Variants in PKHD1 observed in about 807,000 individuals in gnomAD.
PKHD1 encodes fibrocystin.
Under a neutral mutation model 412.0 loss-of-function variants are expected in PKHD1, and 291 were observed. The observed-to-expected ratio is 0.71, with a 90% CI of 0.64 to 0.78. PKHD1 has a LOEUF of 0.78. PKHD1 is among the 30% of genes least tolerant of loss of function. The pLI, the probability that PKHD1 is intolerant of heterozygous loss-of-function variation, is 0.00. For synonymous variants in PKHD1, 1,777 were observed against 1,821.5 expected (o/e 0.98, Z 0.62); for missense variants, 4,825 against 4,950.7 (o/e 0.97, Z 0.76).
chr6:51,905,128 G>A (rs977173643), intron 41 of PKHD1, among the ~76,000 whole-genome samples: 2 of 152,104 alleles, frequency 1.3e-5, no homozygotes, highest in East Asian at 1.9e-4. Context: ...TCCCACTGAT[G>A]ATACTATAGA....
In PKHD1 at chr6:51,659,442, G is replaced by T. The variant is rs140419956; in HGVS notation, c.10684C>A (p.His3562Asn). ...GAAACCATCACAGTGAGGGCCAAGT[G>T]AATGGAAACACCTGAGCGTATTTCA... is the stretch of plus-strand genomic sequence containing the variant. The part of the protein sequence containing the change: ...PIEIRSGVSI[H>N]LALTVMVSVL... The change falls in exon 61 of 67, where the codon CAC becomes AAC. Residue 3562 changes from histidine (H) to asparagine (N), a missense_variant. Coordinates refer to ENST00000371117, the MANE Select transcript of PKHD1 (RefSeq NM_138694.4). 6.9e-5 allele frequency: 111 copies of T among 1,613,564 alleles called. No individual in the cohort carries two copies. Among genetic ancestry groups the T allele is most frequent in the Admixed American group, 4.7e-4 (28 of 59,864 alleles).
At chr6:51,716,772 C>A (rs560149051) in intron 60 of PKHD1, among the ~76,000 whole-genome samples, 15 of 152,146 alleles carry the variant, frequency 9.9e-5, no homozygotes, top group East Asian at 1.9e-4. Context: ...GAAAAAAATT[C>A]TTTGTCACCT....
intron 36 of PKHD1, among the ~76,000 whole-genome samples, chr6:51,939,974 C>T (rs1223093127): frequency 6.6e-6 from 1 of 151,564 alleles, no homozygotes; most frequent in Admixed American, 6.6e-5. Flanking sequence ...GCAATTTCCT[C>T]TTAAAAAGGT....
rs1772455536 is a variant in PKHD1 at position 51,659,438 on chromosome 6, A to C, written c.10688T>G (p.Leu3563Trp). The change falls in exon 61 of 67, where the codon TTG (leucine) becomes TGG (tryptophan). Residue 3563 changes from leucine (L) to tryptophan (W), a missense_variant. Coordinates refer to ENST00000371117, the MANE Select transcript of PKHD1 (RefSeq NM_138694.4). Reference protein sequence around the residue: ...IEIRSGVSIHLALTVMVSVLE... With the variant: ...IEIRSGVSIHWALTVMVSVLE... ...GACTGAAACCATCACAGTGAGGGCC[A>C]AGTGAATGGAAACACCTGAGCGTAT... 6.2e-7 allele frequency: 1 copy of C among 1,613,610 alleles called. No individual in the cohort carries two copies. Among genetic ancestry groups the C allele is most frequent in the African/African-American group, 1.3e-5 (1 of 74,888 alleles).
At position 51,615,696 on chromosome 6, in the gene PKHD1, A is replaced by G. The variant is rs1159131426; in HGVS notation, c.*3385T>C. 2.0e-5 allele frequency: 3 copies of G among 152,204 alleles called. No individual in the cohort carries two copies. Among genetic ancestry groups the G allele is most frequent in the Admixed American group, 2.0e-4 (3 of 15,276 alleles). 9.4% of individuals were successfully genotyped at this position (152,204 alleles called of 1,614,324 possible). ...TTTGCATATAGTTTGCAGGCATTTC[A>G]ATGTATAGTAATTTCATATATTTGG... On this transcript the variant is annotated 3_prime_UTR_variant, in exon 67 of 67. Transcript: ENST00000371117.
intron 60 of PKHD1, among the ~76,000 whole-genome samples, chr6:51,730,753 A>C (rs966776165): frequency 2.6e-5 from 4 of 152,254 alleles, no homozygotes; most frequent in Non-Finnish European, 5.9e-5. Flanking sequence ...GCAAGGCACA[A>C]GCATTTTATT....
intron 60 of PKHD1, among the ~76,000 whole-genome samples, chr6:51,673,893 G>T (rs1775416906): frequency 6.6e-6 from 1 of 152,128 alleles, no homozygotes; most frequent in South Asian, 2.1e-4. Flanking sequence ...AGAAGAGTTT[G>T]CTGATCCCAA....
intron 52 of PKHD1, among the ~76,000 whole-genome samples, chr6:51,811,672 CT>C (rs1764705706): frequency 6.6e-6 from 1 of 152,112 alleles, no homozygotes; most frequent in South Asian, 2.1e-4. Flanking sequence ...GGTAATAGTG[CT>C]TCACAGGGTG....
chr6:51,817,762 G>A (rs1765706595), intron 52 of PKHD1, among the ~76,000 whole-genome samples: 1 of 152,180 alleles, frequency 6.6e-6, no homozygotes, highest in African/African-American at 2.4e-5. Flanking sequence ...CCTGGACACA[G>A]GAAGCACAAA....
At position 52,082,360 on chromosome 6, in the gene PKHD1, T is replaced by C. The variant is rs768951095; in HGVS notation, c.281+32A>G. ...TGAGATAAGCAAAAATCCCTCATCC[T>C]GTCTGGTCTTCCTATTCCCAGACAG... On this transcript the variant is annotated intron_variant, in intron 4 of 66. Coordinates refer to ENST00000371117, the MANE Select transcript of PKHD1 (RefSeq NM_138694.4). 5.6e-6 allele frequency: 9 copies of C among 1,610,986 alleles called. No individual in the cohort carries two copies. The African/African-American group carries it at 1.1e-4, about 19-fold the overall frequency.
chr6:51,698,489 C>T (rs1465703189), intron 60 of PKHD1, among the ~76,000 whole-genome samples: 1 of 151,872 alleles, frequency 6.6e-6, no homozygotes, highest in Admixed American at 6.6e-5. Flanking sequence ...GTTAAACGTC[C>T]CTCAAAAGCT....
At chr6:51,739,912 C>T (rs1784355952) in intron 60 of PKHD1, 1 of 508,272 alleles carries the variant, frequency 2.0e-6, no homozygotes. Flanking sequence ...TTATGCCATC[C>T]ATTTGTAGTC....
At chr6:52,024,286 C>T (rs1360879540) in intron 32 of PKHD1, among the ~76,000 whole-genome samples, 1 of 152,146 alleles carries the variant, frequency 6.6e-6, no homozygotes, top group Admixed American at 6.5e-5. Context: ...TGAGCTCTTA[C>T]AAATGGTGTT....
At chr6:51,849,285 C>G (rs962113687) in intron 49 of PKHD1, among the ~76,000 whole-genome samples, 3 of 152,160 alleles carry the variant, frequency 2.0e-5, no homozygotes, top group Admixed American at 6.5e-5. Flanking sequence ...ACCACATTTT[C>G]TTTATCCAGT....
At position 52,055,624 on chromosome 6, in the gene PKHD1, GC is replaced by G; in HGVS notation, c.1798del (p.Ala600LeufsTer8). 1 of 1,614,018 alleles carries G rather than the reference GC, an allele frequency of 6.2e-7. No homozygotes were observed. Among genetic ancestry groups the G allele is most frequent in the Non-Finnish European group, 8.5e-7 (1 of 1,179,904 alleles). On this transcript the variant is annotated frameshift_variant, in exon 19 of 67. Coordinates refer to ENST00000371117, the MANE Select transcript of PKHD1 (RefSeq NM_138694.4). LOFTEE classifies it high-confidence loss of function. ...ATCTAGCCGATAGCCCTTCTGGGCA[GC>G]CGGGGGAGTAAGGACAAGGTGTCGA... is the stretch of plus-strand genomic sequence containing the variant. ...QPRHLVLTPP[A>X]AQKGYRLDQY... is the part of the protein sequence containing the mutation.
intron 48 of PKHD1, among the ~76,000 whole-genome samples, chr6:51,861,167 T>A (rs931609379): frequency 5.3e-5 from 8 of 152,300 alleles, no homozygotes; most frequent in African/African-American, 1.9e-4. Context: ...CACTATCACT[T>A]GGTAAAACTT....
chr6:52,044,395 A>C (rs1470140656), intron 25 of PKHD1, among the ~76,000 whole-genome samples: 2 of 152,196 alleles, frequency 1.3e-5, no homozygotes, highest in Non-Finnish European at 2.9e-5. Flanking sequence ...AGGAAGAGGT[A>C]TTGCAATGGC....
intron 64 of PKHD1, among the ~76,000 whole-genome samples, chr6:51,637,665 G>A (rs1385559932): frequency 6.6e-6 from 1 of 151,914 alleles, no homozygotes; most frequent in Non-Finnish European, 1.5e-5. Context: ...CAGCACTTAG[G>A]GAGGCTGAGG....
At chr6:51,675,112 A>G (rs1775625770) in intron 60 of PKHD1, among the ~76,000 whole-genome samples, 1 of 152,202 alleles carries the variant, frequency 6.6e-6, no homozygotes, top group Non-Finnish European at 1.5e-5. Flanking sequence ...GCAAAAATAA[A>G]GCACACGTAA....
Sources: allele counts gnomAD v4.1 joint callset (sites outside exome capture counted in the v4.1 genomes callset), GRCh38; gene constraint gnomAD v4.1.1; transcripts MANE v1.5; gene names NCBI Gene and HGNC (gene_info 2026-07-23, HGNC 2026-07-21).